TLE4: variants seen among roughly 807,000 people sequenced by gnomAD.
TLE4 encodes the protein TLE family member 4, transcriptional corepressor, also known as transducin-like enhancer protein 4.
TLE4 carries 8 observed loss-of-function variants against 92.8 expected under a neutral mutation model. The observed-to-expected ratio is 0.09, with a 90% CI of 0.05 to 0.16. The LOEUF is 0.16. TLE4 is among the 10% of genes least tolerant of loss of function. The pLI, the probability that TLE4 is intolerant of heterozygous loss-of-function variation, is 1.00. For synonymous variants in TLE4, 371 were observed against 374.1 expected (o/e 0.99, Z 0.10); for missense variants, 675 against 997.6 (o/e 0.68, Z 4.36).
At chr9:79,605,424 T>G (rs1301512932) in intron 4 of TLE4, among the ~76,000 whole-genome samples, 1 of 152,136 alleles carries the variant, frequency 6.6e-6, no homozygotes, top group Non-Finnish European at 1.5e-5. Flanking sequence ...CTTGATAATT[T>G]ATCTCTCTCG....
At chr9:79,698,827 A>G (rs1410528700) in intron 8 of TLE4, among the ~76,000 whole-genome samples, 2 of 150,590 alleles carry the variant, frequency 1.3e-5, no homozygotes, top group East Asian at 3.9e-4. Context: ...TAAAGGTTTT[A>G]TATTTACTTT....
chr9:79,573,837 C>A (rs757187283), intron 2 of TLE4, 51 bp downstream of exon 2: 1 of 1,357,054 alleles, frequency 7.4e-7, no homozygotes, highest in Non-Finnish European at 1.0e-6. Context: ...CTCTTGTCTC[C>A]CCGACAAATA....
intron 6 of TLE4, among the ~76,000 whole-genome samples, chr9:79,638,264 G>A (rs766230815): frequency 6.6e-6 from 1 of 152,096 alleles, no homozygotes; most frequent in African/African-American, 2.4e-5. Flanking sequence ...ATTATGTTGT[G>A]GGGAGTTCTA....
intron 8 of TLE4, among the ~76,000 whole-genome samples, chr9:79,664,627 C>T (rs7029826): frequency 0.13 from 19,636 of 152,130 alleles, 1,662 homozygotes; most frequent in African/African-American, 0.23. Context: ...TGACTAAATA[C>T]GTAAGCGTCC....
chr9:79,573,007 GC>G (rs920522101), intron 1 of TLE4, among the ~76,000 whole-genome samples, 172 bp downstream of exon 1: 5 of 152,114 alleles, frequency 3.3e-5, no homozygotes, highest in Non-Finnish European at 4.4e-5. Flanking sequence ...CGGCGCGGTG[GC>G]CCTCGGAGGG....
chr9:79,629,430 T>TG (rs1408593194), intron 6 of TLE4, among the ~76,000 whole-genome samples: 16 of 152,152 alleles, frequency 1.1e-4, no homozygotes, highest in African/African-American at 3.9e-4. Context: ...TGCCTTTTCT[T>TG]GGGGAAATGA....
intron 8 of TLE4, 135 bp downstream of exon 8, chr9:79,654,210 T>C (rs2059429335): frequency 1.1e-6 from 1 of 885,476 alleles, no homozygotes; most frequent in East Asian, 2.6e-5. Flanking sequence ...TTTTTAAAAT[T>C]ACTTTCAGGT....
chr9:79,588,645 G>A (rs1379573800), intron 4 of TLE4, among the ~76,000 whole-genome samples: 4 of 151,956 alleles, frequency 2.6e-5, no homozygotes, highest in South Asian at 2.1e-4. Context: ...ATAACCACAG[G>A]CCTCTAGATA....
At chr9:79,715,398 G>A (rs192803744) in intron 14 of TLE4, among the ~76,000 whole-genome samples, 2 of 151,824 alleles carry the variant, frequency 1.3e-5, no homozygotes, top group Non-Finnish European at 2.9e-5. Flanking sequence ...TTTCACAAGC[G>A]TTACTGCCAC....
chr9:79,678,392 C>A (rs1298743184), intron 8 of TLE4, among the ~76,000 whole-genome samples: 1 of 151,946 alleles, frequency 6.6e-6, no homozygotes, highest in Non-Finnish European at 1.5e-5. Context: ...ACATACAGAC[C>A]TTTCCCTAAT....
At chr9:79,611,754 G>GA (rs947866128) in intron 4 of TLE4, among the ~76,000 whole-genome samples, 7 of 151,760 alleles carry the variant, frequency 4.6e-5, no homozygotes, top group Non-Finnish European at 1.0e-4. Context: ...GGCACCATCT[G>GA]AAAAATACAA....
At chr9:79,695,032 CAAGG>C (rs1447797295) in intron 8 of TLE4, among the ~76,000 whole-genome samples, 1 of 152,088 alleles carries the variant, frequency 6.6e-6, no homozygotes, top group Non-Finnish European at 1.5e-5. Flanking sequence ...TGATGAGAGA[CAAGG>C]AAAGGGATAA....
Position 79,693,783 on chromosome 9 carries a change from G to A in TLE4, c.610-11000G>A, listed in dbSNP as rs971078553. 18 of 349,892 alleles carry A rather than the reference G, an allele frequency of 5.1e-5. 1 individual carries two copies. Among genetic ancestry groups the A allele is most frequent in the African/African-American group, 2.0e-4 (9 of 44,762 alleles). 21.7% of individuals were successfully genotyped at this position (349,892 alleles called of 1,614,324 possible). ...ATATTTAGTATTAAATAGCAAAAGC[G>A]CATCACTGAGCTAGCATTCTTTTTA... On this transcript the variant is annotated intron_variant, in intron 8 of 19. Coordinates refer to ENST00000376552, the MANE Select transcript of TLE4 (RefSeq NM_007005.6).
chr9:79,710,847 C>T (rs2136030310), intron 14 of TLE4, among the ~76,000 whole-genome samples: 1 of 152,286 alleles, frequency 6.6e-6, no homozygotes, highest in East Asian at 1.9e-4. Flanking sequence ...ACAGAACTTT[C>T]TGCTATTCAG....
chr9:79,582,369 C>T (rs973206250), intron 4 of TLE4, among the ~76,000 whole-genome samples: 1 of 152,084 alleles, frequency 6.6e-6, no homozygotes, highest in African/African-American at 2.4e-5. Context: ...TTCTTTGTAT[C>T]TAGGTATATA....
chr9:79,610,052 C>G (rs2048013339), intron 4 of TLE4, among the ~76,000 whole-genome samples: 1 of 151,920 alleles, frequency 6.6e-6, no homozygotes, highest in African/African-American at 2.4e-5. Flanking sequence ...TTTTTTCCTT[C>G]TTTCCCCAAA....
intron 4 of TLE4, among the ~76,000 whole-genome samples, chr9:79,590,426 G>T (rs2042264915): frequency 6.6e-6 from 1 of 152,148 alleles, no homozygotes; most frequent in Non-Finnish European, 1.5e-5. Context: ...AGAGGTGTCA[G>T]ATTTAGGAGA....
chr9:79,592,191 CTTCT>C (rs2042770191), intron 4 of TLE4, among the ~76,000 whole-genome samples: 4 of 135,954 alleles, frequency 2.9e-5, no homozygotes, highest in African/African-American at 8.8e-5. Context: ...TCCTCTTCTT[CTTCT>C]TCTTCTTCTT....
At chr9:79,649,862 T>C in intron 6 of TLE4, 2 of 1,364,768 alleles carry the variant, frequency 1.5e-6, no homozygotes, top group South Asian at 2.3e-5. Context: ...ATTAAAGGTA[T>C]TGGGCTTTGG....
Sources: allele counts gnomAD v4.1 joint callset (sites outside exome capture counted in the v4.1 genomes callset), GRCh38; gene constraint gnomAD v4.1.1; transcripts MANE v1.5; gene names NCBI Gene and HGNC (gene_info 2026-07-23, HGNC 2026-07-21).